DLG2: variants seen among roughly 807,000 people sequenced by gnomAD.
DLG2 encodes the protein disks large homolog 2.
Under a neutral mutation model 132.5 loss-of-function variants are expected in DLG2, and 45 were observed. The ratio of observed to expected loss-of-function variants is 0.34; its 90% confidence interval spans 0.27 to 0.44. The LOEUF is 0.44. Among genes scored for constraint, DLG2 ranks in the 20% least tolerant of loss-of-function variants. DLG2 has a pLI of 1.00. For missense variants in DLG2, 1,045 were observed against 1,196.9 expected (o/e 0.87, Z 1.87); for synonymous variants, 424 against 419.6 (o/e 1.01, Z -0.13).
intron 19 of DLG2, among the ~76,000 whole-genome samples, chr11:83,615,807 C>T (rs11603940): frequency 3.3e-5 from 5 of 152,152 alleles, no homozygotes; most frequent in Admixed American, 2.6e-4. Context: ...CTTACAACTG[C>T]GTGGAATTGA....
chr11:83,740,651 T>C (rs1333375750), intron 18 of DLG2, among the ~76,000 whole-genome samples: 2 of 152,130 alleles, frequency 1.3e-5, no homozygotes, highest in Non-Finnish European at 2.9e-5. Context: ...CAATACAAAT[T>C]TTATGAAAAC....
chr11:85,021,851 T>G (rs1471935940), intron 6 of DLG2, among the ~76,000 whole-genome samples: 1 of 152,098 alleles, frequency 6.6e-6, no homozygotes, highest in African/African-American at 2.4e-5. Flanking sequence ...AAAAGAAAAT[T>G]TGCCTTCTTT....
rs574165832 is a variant in DLG2, at chr11:85,209,717, G to C, written c.187-55066C>G. ...GGCCTCCCAAAGTTCTGGGATTATA[G>C]GCATGAGCCACCATAACCAGCCTAG... On this transcript the variant is annotated intron_variant, in intron 4 of 27. Coordinates refer to ENST00000376104, the MANE Select transcript of DLG2 (RefSeq NM_001142699.3). Among the ~76,000 whole-genome samples the C allele has an allele frequency of 2.0e-4, 30 of 150,734 alleles. No individual in the cohort carries two copies. In the East Asian group the frequency reaches 5.7e-3, roughly 29 times the overall value.
chr11:84,134,565 C>G (rs769685635), intron 9 of DLG2, among the ~76,000 whole-genome samples: 4 of 151,984 alleles, frequency 2.6e-5, no homozygotes, highest in Non-Finnish European at 5.9e-5. Flanking sequence ...CTGGTTAATT[C>G]CAAGTCACCC....
chr11:85,128,988 A>C (rs2075427327), intron 5 of DLG2, among the ~76,000 whole-genome samples: 1 of 152,206 alleles, frequency 6.6e-6, no homozygotes, highest in Non-Finnish European at 1.5e-5. Context: ...TTCGAAGATG[A>C]AGAAATCAGT....
chr11:84,071,740 C>T (rs888730143), intron 10 of DLG2, among the ~76,000 whole-genome samples: 92 of 152,146 alleles, frequency 6.0e-4, no homozygotes, highest in African/African-American at 2.0e-3. Context: ...CAATTGCTCT[C>T]CATTGTCTAC....
intron 4 of DLG2, among the ~76,000 whole-genome samples, chr11:85,194,448 G>C (rs180801311): frequency 2.6e-3 from 395 of 152,068 alleles, no homozygotes; most frequent in African/African-American, 9.0e-3. Flanking sequence ...AGGCTTCAAA[G>C]AACAGTATTT....
Position 83,741,669 on chromosome 11 carries a change from GAA to G in DLG2, c.1825+45019_1825+45020del, listed in dbSNP as rs562392767. ...GAAATCAAAGGCAACACAAATAAAT[GAA>G]AAAATATTTCATGCTCATGGATTAG... On this transcript the variant is annotated intron_variant, in intron 18 of 27. Transcript: ENST00000376104. Among the ~76,000 whole-genome samples, 215 of 152,068 alleles carry G rather than the reference GAA, an allele frequency of 1.4e-3. 1 individual carries two copies. Among genetic ancestry groups the G allele is most frequent in the African/African-American group, 5.0e-3 (208 of 41,508 alleles).
In DLG2 at chr11:84,948,789, C is replaced by T. The variant is rs117284474; in HGVS notation, c.357+162872G>A. The stretch of plus-strand genomic sequence containing the variant: ...TTTGTGATCCACCACATATAAGTAC[C>T]ATGACCTTGGTAAGTTACATCATTT... On this transcript the variant is annotated intron_variant, in intron 6 of 27. Coordinates refer to ENST00000376104, the MANE Select transcript of DLG2 (RefSeq NM_001142699.3). 4.7e-4 allele frequency among the ~76,000 whole-genome samples: 72 copies of T among 152,260 alleles called. 2 individuals are homozygous for T. In the East Asian group the frequency reaches 0.012, roughly 26 times the overall value.
At chr11:84,413,615 A>C (rs749026255) in intron 7 of DLG2, among the ~76,000 whole-genome samples, 2 of 152,208 alleles carry the variant, frequency 1.3e-5, no homozygotes, top group Non-Finnish European at 2.9e-5. Flanking sequence ...CTGTTCCCAG[A>C]CTGCTTTTTG....
At chr11:84,002,476 T>A (rs2094400087) in intron 11 of DLG2, among the ~76,000 whole-genome samples, 1 of 152,114 alleles carries the variant, frequency 6.6e-6, no homozygotes, top group African/African-American at 2.4e-5. Flanking sequence ...TTTTCATACA[T>A]CCTCTGAAAT....
chr11:83,503,186 C>A (rs1423211403), intron 21 of DLG2, among the ~76,000 whole-genome samples: 1 of 151,186 alleles, frequency 6.6e-6, no homozygotes, highest in East Asian at 2.0e-4. Context: ...CAAGAGGGGA[C>A]ATGTGAGCTA....
At chr11:85,235,980 C>A (rs527523990) in intron 4 of DLG2, among the ~76,000 whole-genome samples, 1 of 151,572 alleles carries the variant, frequency 6.6e-6, no homozygotes, top group African/African-American at 2.4e-5. Context: ...AAAAACACTG[C>A]GCATATATCG....
chr11:84,300,197 T>A (rs1599388504), intron 7 of DLG2, among the ~76,000 whole-genome samples: 1 of 152,170 alleles, frequency 6.6e-6, no homozygotes, highest in African/African-American at 2.4e-5. Context: ...AGTCACATTG[T>A]TTTTCCTCTT....
intron 3 of DLG2, among the ~76,000 whole-genome samples, chr11:85,420,378 TG>T (rs1408512816): frequency 9.2e-5 from 14 of 152,302 alleles, no homozygotes; most frequent in Non-Finnish European, 1.5e-4. Context: ...AGACTCCTGC[TG>T]GGAGGTGTCT....
At chr11:85,060,486 T>G (rs1171887073) in intron 6 of DLG2, among the ~76,000 whole-genome samples, 1 of 151,018 alleles carries the variant, frequency 6.6e-6, no homozygotes, top group African/African-American at 2.4e-5. Context: ...TGTGTATATA[T>G]ATATACACGC....
intron 7 of DLG2, among the ~76,000 whole-genome samples, chr11:84,308,480 T>A (rs1036968942): frequency 6.6e-6 from 1 of 152,238 alleles, no homozygotes; most frequent in Non-Finnish European, 1.5e-5. Flanking sequence ...GGAGCCCAGC[T>A]GGCTTCACCC....
intron 2 of DLG2, among the ~76,000 whole-genome samples, chr11:85,601,720 T>C (rs988960524): frequency 1.3e-5 from 2 of 152,186 alleles, no homozygotes; most frequent in African/African-American, 4.8e-5. Context: ...ACATGAGCCG[T>C]CTCCAGCACA....
At chr11:85,356,377 T>TA (rs1016750703) in intron 3 of DLG2, among the ~76,000 whole-genome samples, 49 of 152,268 alleles carry the variant, frequency 3.2e-4, no homozygotes, top group African/African-American at 1.1e-3. Context: ...CTTTTTTTTT[T>TA]ACATAATGAT....
Sources: allele counts gnomAD v4.1 joint callset (sites outside exome capture counted in the v4.1 genomes callset), GRCh38; gene constraint gnomAD v4.1.1; transcripts MANE v1.5; gene names NCBI Gene and HGNC (gene_info 2026-07-23, HGNC 2026-07-21).